Variants in ARHGAP32 observed in about 807,000 individuals in gnomAD.
ARHGAP32 encodes the protein rho GTPase-activating protein 32.
A neutral mutation model predicts 186.5 loss-of-function variants in ARHGAP32; 51 were observed. The observed-to-expected ratio is 0.27, with a 90% CI of 0.22 to 0.35. ARHGAP32 has a LOEUF of 0.35. ARHGAP32 is among the 10% of genes least tolerant of loss of function. The probability of loss-of-function intolerance (pLI) is 1.00; values close to 1 mark genes in which losing one functional copy is unlikely to be tolerated. For missense variants in ARHGAP32, 2,186 were observed against 2,623.5 expected (o/e 0.83, Z 3.64); for synonymous variants, 950 against 964.3 (o/e 0.99, Z 0.27).
At chr11:129,237,964 T>C (rs1944958759) in intron 1 of ARHGAP32, among the ~76,000 whole-genome samples, 1 of 152,050 alleles carries the variant, frequency 6.6e-6, no homozygotes, top group Admixed American at 6.6e-5. Flanking sequence ...ATAGAAGTAG[T>C]GAGAAGTGGC....
At chr11:129,164,717 T>G (rs1483626419) in intron 1 of ARHGAP32, among the ~76,000 whole-genome samples, 1 of 152,178 alleles carries the variant, frequency 6.6e-6, no homozygotes, top group Non-Finnish European at 1.5e-5. Context: ...CAACACAATT[T>G]GAACCTTGAA....
chr11:129,223,987 C>T (rs1031169550), intron 1 of ARHGAP32, among the ~76,000 whole-genome samples: 1 of 152,188 alleles, frequency 6.6e-6, no homozygotes, highest in African/African-American at 2.4e-5. Flanking sequence ...ACTCAATTCA[C>T]TTGTTGGCTT....
intron 2 of ARHGAP32, among the ~76,000 whole-genome samples, chr11:129,129,321 G>A (rs566845770): frequency 6.7e-6 from 1 of 149,322 alleles, no homozygotes; most frequent in African/African-American, 2.5e-5. Flanking sequence ...CAGCTGCCCC[G>A]TCTGGGAAGT....
At chr11:129,247,906 C>T (rs1182160775) in intron 1 of ARHGAP32, among the ~76,000 whole-genome samples, 2 of 152,002 alleles carry the variant, frequency 1.3e-5, no homozygotes, top group Non-Finnish European at 1.5e-5. Flanking sequence ...TTTATTCTAC[C>T]TTCAAATTAA....
At chr11:129,049,418 T>C (rs577231013) in intron 10 of ARHGAP32, among the ~76,000 whole-genome samples, 1 of 152,332 alleles carries the variant, frequency 6.6e-6, no homozygotes, top group East Asian at 1.9e-4. Flanking sequence ...AAACTGCACA[T>C]ATTTAAAATG....
chr11:129,178,923 A>T (rs1263594160), intron 1 of ARHGAP32, among the ~76,000 whole-genome samples: 2 of 152,198 alleles, frequency 1.3e-5, no homozygotes, highest in African/African-American at 4.8e-5. Flanking sequence ...CAATGCCAAC[A>T]AGAGCCAAAA....
At chr11:129,054,294 G>A (rs1378426985) in intron 10 of ARHGAP32, among the ~76,000 whole-genome samples, 1 of 152,064 alleles carries the variant, frequency 6.6e-6, no homozygotes, top group African/African-American at 2.4e-5. Context: ...TGAGGGGAGG[G>A]AGAAACAAAA....
intron 1 of ARHGAP32, among the ~76,000 whole-genome samples, chr11:129,268,434 A>T (rs1945433341): frequency 6.6e-6 from 1 of 152,162 alleles, no homozygotes; most frequent in Admixed American, 6.5e-5. Context: ...GTAAAAATAA[A>T]GAAGCAGAGG....
chr11:128,986,711 A>T, intron 13 of ARHGAP32, 43 bp from the exon 14 acceptor site: 5 of 1,597,024 alleles, frequency 3.1e-6, no homozygotes, highest in Non-Finnish European at 4.3e-6. Flanking sequence ...TTGATTGAGG[A>T]GAGCAAATAT....
chr11:129,217,667 T>G lies in ARHGAP32; in HGVS notation c.-4-53240A>C, dbSNP rs185043967. Among the ~76,000 whole-genome samples, 227 of 152,308 alleles carry G rather than the reference T, an allele frequency of 1.5e-3. 1 individual carries two copies. The highest frequency in any genetic ancestry group is 5.0e-3 in the African/African-American group (209 of 41,584). On this transcript the variant is annotated intron_variant, in intron 1 of 6. Coordinates refer to the ARHGAP32 transcript ENST00000525234. ...AAAGTAAAAAGCTCAGTACTGTCTA[T>G]TCTCCATTTCTGATTTCTGAAGATT...
chr11:129,074,535 C>T (rs10790984), intron 6 of ARHGAP32, among the ~76,000 whole-genome samples: 28,388 of 151,994 alleles, frequency 0.19, 2,823 homozygotes, highest in Non-Finnish European at 0.21. Context: ...GCTCTGTTAC[C>T]CAGGCTGGCG....
chr11:129,223,984 T>C (rs1199395967), intron 1 of ARHGAP32, among the ~76,000 whole-genome samples: 1 of 152,172 alleles, frequency 6.6e-6, no homozygotes, highest in Non-Finnish European at 1.5e-5. Flanking sequence ...CCAACTCAAT[T>C]CACTTGTTGG....
chr11:129,193,732 A>ATATATT (rs1491217015), upstream of ARHGAP32, among the ~76,000 whole-genome samples: 84 of 80,314 alleles, frequency 1.0e-3, no homozygotes, highest in South Asian at 4.9e-3. Context: ...TATTATATAT[A>ATATATT]ATATATATTA....
chr11:129,251,252 A>G (rs1465680898), intron 1 of ARHGAP32, among the ~76,000 whole-genome samples: 1 of 152,176 alleles, frequency 6.6e-6, no homozygotes, highest in Non-Finnish European at 1.5e-5. Flanking sequence ...TCTCTCTTTC[A>G]ATGAAATACG....
chr11:129,227,235 C>T (rs145072929), intron 1 of ARHGAP32, among the ~76,000 whole-genome samples: 2,145 of 151,814 alleles, frequency 0.014, 26 homozygotes, highest in Non-Finnish European at 0.022. Context: ...TTATAATCCC[C>T]AGGGCAACCA....
At chr11:129,174,783 C>G (rs1207308566) in intron 1 of ARHGAP32, among the ~76,000 whole-genome samples, 1 of 151,932 alleles carries the variant, frequency 6.6e-6, no homozygotes, top group Non-Finnish European at 1.5e-5. Context: ...ACACCAAAAA[C>G]CCATCTGTAC....
At chr11:129,256,097 C>T (rs116912437) in intron 1 of ARHGAP32, among the ~76,000 whole-genome samples, 2,095 of 152,062 alleles carry the variant, frequency 0.014, 17 homozygotes, top group Non-Finnish European at 0.019. Context: ...ATATGTTCTG[C>T]GCAATTCCAG....
chr11:128,983,643 TAAAA>T (rs977942003), intron 15 of ARHGAP32, among the ~76,000 whole-genome samples: 1 of 143,830 alleles, frequency 7.0e-6, no homozygotes, highest in African/African-American at 2.6e-5. Context: ...TAAAGTATAA[TAAAA>T]AAATAAATAA....
intron 12 of ARHGAP32, among the ~76,000 whole-genome samples, chr11:128,992,587 GC>G (rs1946089701): frequency 6.6e-6 from 1 of 151,830 alleles, no homozygotes; most frequent in Non-Finnish European, 1.5e-5. Flanking sequence ...GACCAGCCTG[GC>G]CAATATGGTG....
Sources: allele counts gnomAD v4.1 joint callset (sites outside exome capture counted in the v4.1 genomes callset), GRCh38; gene constraint gnomAD v4.1.1; transcripts MANE v1.5; gene names NCBI Gene and HGNC (gene_info 2026-07-23, HGNC 2026-07-21).